The following SFMBT2 variants were observed in gnomAD, a reference collection of about 807,000 sequenced individuals.
The protein encoded by SFMBT2 is Scm like with four mbt domains 2.
A neutral mutation model predicts 110.1 loss-of-function variants in SFMBT2; 38 were observed. That is an observed-to-expected ratio of 0.35 (90% CI 0.27 to 0.45). The LOEUF (loss-of-function observed/expected upper bound fraction) is 0.45, where lower values mean the gene tolerates loss of function less well. Ranked by LOEUF, SFMBT2 falls within the 20% of genes least tolerant of loss-of-function variation. SFMBT2 has a pLI of 1.00. For synonymous variants in SFMBT2, 425 were observed against 425.4 expected, an observed-to-expected ratio of 1.00 and a Z score of 0.01; for missense variants, 1,011 against 1,094.9, an observed-to-expected ratio of 0.92 and a Z score of 1.08.
intron 15 of SFMBT2, among the ~76,000 whole-genome samples, chr10:7,193,921 T>G (rs888825524): frequency 2.0e-5 from 3 of 152,188 alleles, no homozygotes; most frequent in Non-Finnish European, 4.4e-5. Context: ...ACCCTGGTAC[T>G]CCGGGAGAGG....
intron 1 of SFMBT2, among the ~76,000 whole-genome samples, chr10:7,382,992 A>G (rs1004891670): frequency 6.6e-6 from 1 of 152,202 alleles, no homozygotes; most frequent in East Asian, 1.9e-4. Context: ...CACAGCTCAC[A>G]TGGTGTTTTT....
intron 7 of SFMBT2, among the ~76,000 whole-genome samples, chr10:7,269,443 C>A (rs1158588326): frequency 6.6e-6 from 1 of 152,088 alleles, no homozygotes; most frequent in African/African-American, 2.4e-5. Flanking sequence ...CATCCAAATA[C>A]CCATTTCATC....
At chr10:7,249,072 C>T in intron 7 of SFMBT2, 1 of 979,020 alleles carries the variant, frequency 1.0e-6, no homozygotes, top group Non-Finnish European at 1.2e-6. Flanking sequence ...GGTCTGCCAC[C>T]ACCTCCCGTG....
chr10:7,243,104 T>G (rs972717852), intron 9 of SFMBT2, among the ~76,000 whole-genome samples: 4 of 152,216 alleles, frequency 2.6e-5, no homozygotes, highest in Admixed American at 1.3e-4. Context: ...TGTAATTATT[T>G]TAAAGTATTA....
At position 7,163,030 on chromosome 10, in the gene SFMBT2, G is replaced by GA. The variant is rs541329491; in HGVS notation, c.*739dup. 4.2e-3 allele frequency: 647 copies of GA among 153,012 alleles called. 2 individuals carry two copies. The highest frequency in any genetic ancestry group is 5.7e-3 in the Non-Finnish European group (390 of 68,504). The allele number at this position is 153,012 out of a possible 1,614,324, so 9.5% of individuals were successfully genotyped here. A position where few individuals can be genotyped will look rare whatever the true frequency, so the allele number is the denominator to read the frequency against. On this transcript the variant is annotated 3_prime_UTR_variant, in exon 21 of 21. Transcript: ENST00000397167. The surrounding 1 kb of genome is among the most constrained non-coding windows in gnomAD (Gnocchi z 4.8). ...AGGCAGGAGAATCACTTGAACCCGGGAGAGAGAGGTTGCAGTGAGCTGAGA... is the reference window on the plus strand; with the variant it reads ...AGGCAGGAGAATCACTTGAACCCGGGAAGAGAGAGGTTGCAGTGAGCTGAGA...
At chr10:7,286,666 G>C (rs989982406) in intron 4 of SFMBT2, among the ~76,000 whole-genome samples, 1 of 152,104 alleles carries the variant, frequency 6.6e-6, no homozygotes, top group Non-Finnish European at 1.5e-5. Context: ...TTTAAGGTCT[G>C]CAGAAAGATG....
chr10:7,259,641 C>T (rs950381328), intron 7 of SFMBT2, among the ~76,000 whole-genome samples: 5 of 152,230 alleles, frequency 3.3e-5, no homozygotes, highest in Admixed American at 1.3e-4. Flanking sequence ...GATTCAGATT[C>T]GGTTAAGAGA....
chr10:7,172,140 C>T lies in SFMBT2; in HGVS notation c.2170G>A (p.Ala724Thr). ...GCGGTGTCATCGTCCATGGCGTCAG[C>T]GTCCTCCTCTTCACTTTCCTGGGAA... ...GSGEESEEED[A>T]DAMDDDTASE... is the part of the protein sequence containing the mutation. Residue 724 changes from alanine (A) to threonine (T), a missense_variant, in exon 19 of 21, where the codon GCT becomes ACT. Around this residue, in one of 2 missense-constraint regions of SFMBT2, gnomAD observed 979 missense variants for 1,016.1 expected, o/e 0.96. Coordinates refer to ENST00000397167, the MANE Select transcript of SFMBT2 (RefSeq NM_001387889.1). This position sits in a 1 kb window ranked among gnomAD's most constrained non-coding sequence, Gnocchi z 4.6. The T allele has an allele frequency of 4.5e-6, 7 of 1,561,036 alleles. No homozygotes were observed. Among genetic ancestry groups the T allele is most frequent in the Non-Finnish European group, 6.1e-6 (7 of 1,152,484 alleles).
Position 7,176,091 on chromosome 10 carries a change from C to A in SFMBT2, c.1883G>T (p.Arg628Leu). The A allele has an allele frequency of 6.2e-7, 1 of 1,614,148 alleles. No individual in the cohort carries two copies. The highest frequency in any genetic ancestry group is 1.1e-5 in the South Asian group (1 of 91,082). ...TSDQVANFCR[R>L]VCAKLECCPN... ...ACAGCACTCTAGCTTGGCACAGACTCGGCGGCAGAAATTTGCGACTTGGTC... is the reference window on the plus strand; with the variant it reads ...ACAGCACTCTAGCTTGGCACAGACTAGGCGGCAGAAATTTGCGACTTGGTC... Residue 628 changes from arginine to leucine, a missense_variant, in exon 17 of 21, where the codon CGA (arginine) becomes CTA (leucine). Around this residue, in one of 2 missense-constraint regions of SFMBT2, gnomAD observed 979 missense variants for 1,016.1 expected, o/e 0.96. Coordinates refer to ENST00000397167, the MANE Select transcript of SFMBT2 (RefSeq NM_001387889.1).
chr10:7,398,857 T>C (rs12266151), intron 1 of SFMBT2, among the ~76,000 whole-genome samples: 2 of 152,222 alleles, frequency 1.3e-5, no homozygotes, highest in Non-Finnish European at 2.9e-5. Context: ...AAGTAGATCA[T>C]GTGTTGTCCA....
intron 4 of SFMBT2, among the ~76,000 whole-genome samples, chr10:7,338,593 T>C (rs1843790430): frequency 6.6e-6 from 1 of 152,210 alleles, no homozygotes; most frequent in East Asian, 1.9e-4. Flanking sequence ...CCTTATCATC[T>C]TCACACTACA....
chr10:7,315,041 A>AAAGAAAGG (rs1842958006), intron 4 of SFMBT2, among the ~76,000 whole-genome samples: 1 of 76,538 alleles, frequency 1.3e-5, no homozygotes, highest in East Asian at 3.6e-4. Context: ...AAAGAAAGAG[A>AAAGAAAGG]AAGAAAGAAA....
intron 2 of SFMBT2, among the ~76,000 whole-genome samples, chr10:7,372,743 A>C (rs2132061951): frequency 1.3e-5 from 2 of 152,342 alleles, no homozygotes; most frequent in Middle Eastern, 6.8e-3. Context: ...CCGATGCACT[A>C]GTCAGAGGCG....
intron 1 of SFMBT2, among the ~76,000 whole-genome samples, chr10:7,391,592 G>A (rs1319405414): frequency 3.9e-5 from 6 of 152,034 alleles, no homozygotes; most frequent in East Asian, 1.9e-4. Flanking sequence ...CTTTGCAAAC[G>A]ATGTGTCCCA....
Position 7,285,850 on chromosome 10 carries a change from TAAC to T in SFMBT2, c.525+13_525+15del, listed in dbSNP as rs1462868402. 1.1e-6 allele frequency: 1 copy of T among 871,794 alleles called. No homozygotes were observed. 54.0% of individuals were successfully genotyped at this position (871,794 alleles called of 1,614,324 possible). A position where few individuals can be genotyped will look rare whatever the true frequency, so the allele number is the denominator to read the frequency against. ...GTGCTTCAGAGATACATTAGATGTA[TAAC>T]AACAATACATACACCTTCCAGGAGG... is the stretch of plus-strand genomic sequence containing the variant. On this transcript the variant is annotated intron_variant, in intron 5 of 20. Transcript: ENST00000397167.
chr10:7,223,630 G>C (rs1314394365), intron 10 of SFMBT2, among the ~76,000 whole-genome samples: 3 of 151,930 alleles, frequency 2.0e-5, no homozygotes, highest in Non-Finnish European at 4.4e-5. Flanking sequence ...TAAATTTGTT[G>C]ATTTCAAATA....
In SFMBT2 at chr10:7,202,534, G is replaced by A; in HGVS notation, c.1445-12C>T. 6.2e-7 allele frequency: 1 copy of A among 1,614,056 alleles called. No homozygotes were observed. The highest frequency in any genetic ancestry group is 8.5e-7 in the Non-Finnish European group (1 of 1,179,982). On this transcript the variant is annotated splice_polypyrimidine_tract_variant and intron_variant, in intron 12 of 20. Transcript: ENST00000397167. Reference sequence around the variant, plus strand: ...TCTCTTCTTTTGTGCTGTAGAAAAGGCAAAACGGAAAAAGAAAATCAGCTT... The same window carrying A: ...TCTCTTCTTTTGTGCTGTAGAAAAGACAAAACGGAAAAAGAAAATCAGCTT...
intron 4 of SFMBT2, among the ~76,000 whole-genome samples, chr10:7,322,143 T>C (rs1006375328): frequency 2.6e-5 from 4 of 152,176 alleles, no homozygotes; most frequent in African/African-American, 7.2e-5. Flanking sequence ...AATTGAATCA[T>C]GGGGGTGGGT....
At chr10:7,248,492 G>A (rs1840691125) in intron 8 of SFMBT2, 56 bp downstream of exon 8, 2 of 1,422,026 alleles carry the variant, frequency 1.4e-6, no homozygotes, top group Non-Finnish European at 2.0e-6. Context: ...TGAGTTGAAA[G>A]GCTTAATTTG....
Sources: gnomAD v4.1 joint callset for allele counts (sites outside exome capture counted in the v4.1 genomes callset) on GRCh38, gnomAD v4.1.1 for gene constraint, gnomAD v4.1.1 regional missense constraint, Gnocchi (gnomAD v3.1) non-coding constraint, MANE v1.5 for transcripts, NCBI Gene and HGNC (gene_info 2026-07-23, HGNC 2026-07-21) for gene names.